The following EPB41L1 variants were observed in gnomAD, a reference collection of about 807,000 sequenced individuals.
EPB41L1 encodes the protein band 4.1-like protein 1.
EPB41L1 carries 29 observed loss-of-function variants against 97.8 expected under a neutral mutation model. The ratio of observed to expected loss-of-function variants is 0.30; its 90% CI spans 0.22 to 0.40. The LOEUF (loss-of-function observed/expected upper bound fraction) is 0.40. Among genes scored for constraint, EPB41L1 ranks in the 10% least tolerant of loss-of-function variants. The probability of loss-of-function intolerance (pLI) is 1.00; values close to 1 mark genes in which losing one functional copy is unlikely to be tolerated. For synonymous variants in EPB41L1, 383 were observed against 459.2 expected (o/e 0.83, Z 2.12); for missense variants, 812 against 1,162.3 (o/e 0.70, Z 4.38).
Position 36,093,183 on chromosome 20 carries a change from G to A in EPB41L1, c.-65+1571G>A, listed in dbSNP as rs938030177. On this transcript the variant is annotated intron_variant, in intron 1 of 19. Coordinates refer to the EPB41L1 transcript ENST00000202028. This position sits in a 1 kb window ranked among gnomAD's most constrained non-coding sequence, Gnocchi z 5.4. ...GCGAGTGGTGCGTGCGTATCTGGGT[G>A]AGGGTGCGTGTGTCTGCGTGTGTCT... is the stretch of plus-strand genomic sequence containing the variant. 2.0e-5 allele frequency among the ~76,000 whole-genome samples: 3 copies of A among 151,882 alleles called. No individual in the cohort carries two copies. The highest frequency in any genetic ancestry group is 2.9e-5 in the Non-Finnish European group (2 of 67,956).
chr20:36,139,365 A>T (rs1413317991), intron 2 of EPB41L1, among the ~76,000 whole-genome samples: 1 of 152,258 alleles, frequency 6.6e-6, no homozygotes, highest in Non-Finnish European at 1.5e-5. Context: ...TTCGAGTTTT[A>T]TAAGTTCAAG....
chr20:36,207,406 C>G lies in EPB41L1; in HGVS notation c.1669-2082C>G, dbSNP rs1314429097. The G allele has an allele frequency of 1.2e-5, 15 of 1,289,540 alleles. No individual in the cohort carries two copies. In the African/African-American group the frequency reaches 2.0e-4, roughly 17 times the overall value. 79.9% of individuals were successfully genotyped at this position (1,289,540 alleles called of 1,614,324 possible). A position where few individuals can be genotyped will look rare whatever the true frequency, so the allele number is the denominator to read the frequency against. ...GATGACCTCTTTCCAGGCTGGGGAC[C>G]AAGAGGGCTCCCTAGAAGATATTAG... On this transcript the variant is annotated intron_variant, in intron 14 of 21. Transcript: ENST00000338074. This position sits in a 1 kb window ranked among gnomAD's most constrained non-coding sequence, Gnocchi z 4.9.
intron 2 of EPB41L1, among the ~76,000 whole-genome samples, chr20:36,120,078 C>T (rs1176987871): frequency 6.6e-6 from 1 of 152,176 alleles, no homozygotes; most frequent in Non-Finnish European, 1.5e-5. Flanking sequence ...CTGATCACAG[C>T]TAGAAACTGT....
Position 36,218,738 on chromosome 20 carries a change from G to A in EPB41L1, c.2269-138G>A, listed in dbSNP as rs2063589226. ...AGCAAGGGATGAATGAGGCGGAACT[G>A]AACGATGCCTTCAGTCCTTTGCTTC... On this transcript the variant is annotated intron_variant, in intron 17 of 21. Transcript: ENST00000338074. 8 of 797,670 alleles carry A rather than the reference G, an allele frequency of 1.0e-5. No homozygotes were observed. In the East Asian group the frequency reaches 2.1e-4, roughly 21 times the overall value. The allele number at this position is 797,670 out of a possible 1,614,324, so 49.4% of individuals were successfully genotyped here.
Position 36,232,409 on chromosome 20 carries a change from T to G in EPB41L1, c.*3069T>G, listed in dbSNP as rs2147270864. On this transcript the variant is annotated 3_prime_UTR_variant, in exon 22 of 22. Transcript: ENST00000338074. ...CCCTCTTGGGCCTCAGTTTCCCGAC[T>G]TGCAAAATAAGCAGAAAGAACCAGA... 2 of 386,152 alleles carry G rather than the reference T, an allele frequency of 5.2e-6. No individual in the cohort carries two copies. The highest frequency in any genetic ancestry group is 4.5e-5 in the Admixed American group (1 of 22,314). 23.9% of individuals were successfully genotyped at this position (386,152 alleles called of 1,614,324 possible).
At chr20:36,155,777 C>T (rs759828434) in intron 1 of EPB41L1, 17 of 390,550 alleles carry the variant, frequency 4.4e-5, no homozygotes, top group Non-Finnish European at 7.7e-5. Flanking sequence ...GAGAGCACCA[C>T]GTGTTCCCAC....
At position 36,197,908 on chromosome 20, in the gene EPB41L1, A is replaced by G. The variant is rs761491789; in HGVS notation, c.1535A>G (p.Asn512Ser). The G allele has an allele frequency of 3.1e-6, 5 of 1,614,020 alleles. No individual in the cohort carries two copies. The highest frequency in any genetic ancestry group is 4.5e-5 in the East Asian group (2 of 44,888). Residue 512 changes from asparagine (N) to serine (S), a missense_variant, in exon 14 of 22, where the codon AAT (asparagine) becomes AGT (serine). Asn to Ser is a conservative substitution (Grantham distance 46, BLOSUM62 1). Transcript: ENST00000338074. ...TTGCTGAAGCACCAGGCCAGCATCAATGAGCTCAAAAGGACCCTGAAGGAG... is the reference window on the plus strand; with the variant it reads ...TTGCTGAAGCACCAGGCCAGCATCAGTGAGCTCAAAAGGACCCTGAAGGAG... ...DVLLKHQASI[N>S]ELKRTLKEPN...
At chr20:36,163,073 G>C (rs1245862809) in intron 1 of EPB41L1, among the ~76,000 whole-genome samples, 1 of 151,600 alleles carries the variant, frequency 6.6e-6, no homozygotes, top group Non-Finnish European at 1.5e-5. Flanking sequence ...TGGGAAGGAA[G>C]TCACATCATC....
At chr20:36,205,698 C>G in intron 14 of EPB41L1, 1 of 735,182 alleles carries the variant, frequency 1.4e-6, no homozygotes, top group Non-Finnish European at 1.9e-6. Context: ...CACGTCATGC[C>G]TTCCTCTCCC....
chr20:36,232,305 T>TGAGGGCGGTTAG lies in EPB41L1; in HGVS notation c.*2969_*2980dup, dbSNP rs1196955158. The TGAGGGCGGTTAG allele has an allele frequency of 2.1e-5, 6 of 288,012 alleles. No homozygotes were observed. The highest frequency in any genetic ancestry group is 3.8e-5 in the Non-Finnish European group (6 of 156,852). The allele number at this position is 288,012 out of a possible 1,614,324, so 17.8% of individuals were successfully genotyped here. A position where few individuals can be genotyped will look rare whatever the true frequency, so the allele number is the denominator to read the frequency against. On this transcript the variant is annotated 3_prime_UTR_variant, in exon 22 of 22. Transcript: ENST00000338074. ...CATGTAGCATAGTGGAAAAAGTCCC[T>TGAGGGCGGTTAG]GAGGGCGGTTAGGAGTTCTGGGTGA...
chr20:36,187,390 A>G (rs887171269), intron 7 of EPB41L1, among the ~76,000 whole-genome samples: 4 of 152,166 alleles, frequency 2.6e-5, no homozygotes, highest in African/African-American at 9.7e-5. Context: ...CTCACAGTCA[A>G]CTCAGTGGCA....
At chr20:36,155,101 G>A (rs1297949361) in intron 1 of EPB41L1, 1 of 515,606 alleles carries the variant, frequency 1.9e-6, no homozygotes, top group Non-Finnish European at 3.6e-6. Flanking sequence ...GAGAGGATCC[G>A]GAGGCTGGGG....
chr20:36,109,110 AT>A (rs958339703), intron 1 of EPB41L1, among the ~76,000 whole-genome samples: 11 of 149,216 alleles, frequency 7.4e-5, no homozygotes, highest in South Asian at 2.1e-4. Flanking sequence ...CGCCCGGCTA[AT>A]TTTTTTTTTG....
In EPB41L1 at chr20:36,135,455, C is replaced by T. The variant is rs111859250; in HGVS notation, c.-10+22975C>T. Among the ~76,000 whole-genome samples the T allele has an allele frequency of 7.4e-3, 1,127 of 152,314 alleles. 13 individuals carry two copies. The highest frequency in any genetic ancestry group is 0.026 in the African/African-American group (1,060 of 41,566). On this transcript the variant is annotated intron_variant, in intron 2 of 19. Coordinates refer to the EPB41L1 transcript ENST00000202028. ...CAGCGGGTTTGGAATCCCCCCTCTGCTCACCATCTGTGTTTCCTTGGGCAA... is the reference window on the plus strand; with the variant it reads ...CAGCGGGTTTGGAATCCCCCCTCTGTTCACCATCTGTGTTTCCTTGGGCAA...
upstream of EPB41L1, among the ~76,000 whole-genome samples, chr20:36,153,846 TG>T (rs896637663): frequency 6.6e-6 from 1 of 152,040 alleles, no homozygotes; most frequent in Admixed American, 6.6e-5. Context: ...GTGGTTGGAC[TG>T]GTTTTTTTAG....
intron 1 of EPB41L1, among the ~76,000 whole-genome samples, chr20:36,157,371 A>G (rs1409585651): frequency 6.6e-6 from 1 of 152,228 alleles, no homozygotes; most frequent in Non-Finnish European, 1.5e-5. Context: ...TAACCCTGTC[A>G]GATAGATGTG....
intron 2 of EPB41L1, among the ~76,000 whole-genome samples, chr20:36,114,316 G>C (rs2058516760): frequency 6.6e-6 from 1 of 152,126 alleles, no homozygotes; most frequent in Non-Finnish European, 1.5e-5. Context: ...TCGTGGCTTA[G>C]TTTCCTGGGT....
chr20:36,205,759 A>C lies in EPB41L1; in HGVS notation c.1669-3729A>C, dbSNP rs1645376526. 6 of 1,179,666 alleles carry C rather than the reference A, an allele frequency of 5.1e-6. 1 individual carries two copies. In the South Asian group the frequency reaches 9.0e-5, roughly 18 times the overall value. 73.1% of individuals were successfully genotyped at this position (1,179,666 alleles called of 1,614,324 possible). A position where few individuals can be genotyped will look rare whatever the true frequency, so the allele number is the denominator to read the frequency against. On this transcript the variant is annotated intron_variant, in intron 14 of 21. Transcript: ENST00000338074. ...CCAAAGTCAAACATTTCAGTGGTAG[A>C]TTGGTCCCCTCTTACAAAGGGAAAA...
At position 36,209,781 on chromosome 20, in the gene EPB41L1, C is replaced by T. The variant is rs780638218; in HGVS notation, c.1962C>T (p.Gly654=). The part of the protein sequence containing the change: ...DRDKSDSDTE[G]LLFSRDLNKG... ...ACAAAAGCGACTCGGACACTGAGGG[C>T]CTGCTGTTCTCCCGGGATCTCAACA... Residue 654 remains glycine (G), a synonymous_variant, in exon 15 of 22, where the codon GGC becomes GGT. Transcript: ENST00000338074. The surrounding 1 kb of genome is among the most constrained non-coding windows in gnomAD (Gnocchi z 4.2). 2 of 1,614,070 alleles carry T rather than the reference C, an allele frequency of 1.2e-6. No individual in the cohort carries two copies. The highest frequency in any genetic ancestry group is 2.2e-5 in the East Asian group (1 of 44,876).
Sources: gnomAD v4.1 joint callset for allele counts (sites outside exome capture counted in the v4.1 genomes callset) on GRCh38, gnomAD v4.1.1 for gene constraint, Gnocchi (gnomAD v3.1) non-coding constraint, MANE v1.5 for transcripts, NCBI Gene and HGNC (gene_info 2026-07-23, HGNC 2026-07-21) for gene names.